The following CRISPLD2 variants were observed in gnomAD, a reference collection of about 807,000 sequenced individuals.
The protein encoded by CRISPLD2 is cysteine rich secretory protein LCCL domain containing 2.
CRISPLD2 carries 47 observed loss-of-function variants against 71.1 expected under a neutral mutation model. The ratio of observed to expected loss-of-function variants is 0.66; its 90% CI spans 0.52 to 0.84. The LOEUF (loss-of-function observed/expected upper bound fraction) is 0.84. Among genes scored for constraint, CRISPLD2 ranks in the 40% least tolerant of loss-of-function variants. The pLI, the probability that CRISPLD2 is intolerant of heterozygous loss-of-function variation, is 0.00. For synonymous variants in CRISPLD2, 317 were observed against 250.1 expected (o/e 1.27, Z -2.52); for missense variants, 830 against 651.1 (o/e 1.27, Z -2.99).
At chr16:84,834,970 G>A (rs4782662) in intron 1 of CRISPLD2, among the ~76,000 whole-genome samples, 108,639 of 151,984 alleles carry the variant, frequency 0.71, 39,155 homozygotes, top group Non-Finnish European at 0.75. Context: ...TAGGGCTCCA[G>A]TGTGTGAGTT....
intron 3 of CRISPLD2, chr16:84,849,159 C>G (rs1331739882): frequency 3.8e-6 from 2 of 530,254 alleles, no homozygotes; most frequent in South Asian, 2.2e-5. Flanking sequence ...GGTTATTCCC[C>G]CACCTCGGCC....
intron 1 of CRISPLD2, among the ~76,000 whole-genome samples, chr16:84,823,157 A>T (rs1916269372): frequency 6.6e-6 from 1 of 152,182 alleles, no homozygotes; most frequent in Non-Finnish European, 1.5e-5. Flanking sequence ...CATGTTTTCA[A>T]GGTTCATCCA....
intron 5 of CRISPLD2, 85 bp downstream of exon 5, chr16:84,850,768 C>T: frequency 3.9e-6 from 4 of 1,015,198 alleles, no homozygotes; most frequent in Non-Finnish European, 6.2e-6. Context: ...CTGGCTTGAG[C>T]AGCGAAGTCT....
chr16:84,866,929 G>C lies in CRISPLD2; in HGVS notation c.742G>C (p.Glu248Gln). Reference protein sequence around the residue: ...ETYTPKPETDEMNEVETAPIP... With the variant: ...ETYTPKPETDQMNEVETAPIP... ...CTACACTCCAAAACCTGAAACGGAC[G>C]AGATGAATGAGGTGGAAACGGCTCC... is the stretch of plus-strand genomic sequence containing the variant. Residue 248 changes from glutamate (E) to glutamine (Q), a missense_variant, in exon 7 of 15, where the codon GAG becomes CAG. Coordinates refer to ENST00000262424, the MANE Select transcript of CRISPLD2 (RefSeq NM_031476.4). 1 of 1,614,002 alleles carries C rather than the reference G, an allele frequency of 6.2e-7. No homozygotes were observed. Among genetic ancestry groups the C allele is most frequent in the Non-Finnish European group, 8.5e-7 (1 of 1,179,996 alleles).
intron 1 of CRISPLD2, among the ~76,000 whole-genome samples, chr16:84,838,018 C>T (rs1040488509): frequency 6.6e-6 from 1 of 152,280 alleles, no homozygotes; most frequent in Non-Finnish European, 1.5e-5. Context: ...CGTTGGTCCA[C>T]GGAGCATCCT....
intron 14 of CRISPLD2, among the ~76,000 whole-genome samples, chr16:84,898,875 A>C (rs1443938421): frequency 6.6e-6 from 1 of 152,148 alleles, no homozygotes; most frequent in African/African-American, 2.4e-5. Flanking sequence ...CCTGGGCAAC[A>C]TAAGTGAGAC....
chr16:84,866,290 A>G lies in CRISPLD2; in HGVS notation c.710-607A>G, dbSNP rs569634386. 1.1e-4 allele frequency among the ~76,000 whole-genome samples: 16 copies of G among 151,128 alleles called. No homozygotes were observed. The East Asian group carries it at 2.9e-3, about 28-fold the overall frequency. ...CTCTTGTCACACAGGCTGGACTGCAATGGCACAATCTCGGCTCACTGCAAC... is the reference window on the plus strand; with the variant it reads ...CTCTTGTCACACAGGCTGGACTGCAGTGGCACAATCTCGGCTCACTGCAAC... On this transcript the variant is annotated intron_variant, in intron 6 of 14. Transcript: ENST00000262424.
intron 1 of CRISPLD2, among the ~76,000 whole-genome samples, chr16:84,822,705 T>C (rs894695553): frequency 1.3e-5 from 2 of 152,186 alleles, no homozygotes; most frequent in African/African-American, 4.8e-5. Context: ...GTGGAACAGA[T>C]GCTCAGACCT....
intron 13 of CRISPLD2, among the ~76,000 whole-genome samples, chr16:84,884,590 C>A (rs1403998637): frequency 1.3e-5 from 2 of 152,022 alleles, no homozygotes; most frequent in African/African-American, 4.8e-5. Flanking sequence ...GAATTGGATG[C>A]CTTGTCCCTT....
chr16:84,870,063 A>G (rs142794331), intron 8 of CRISPLD2, among the ~76,000 whole-genome samples: 64 of 152,346 alleles, frequency 4.2e-4, no homozygotes, highest in African/African-American at 1.5e-3. Flanking sequence ...TTCTCTCTGT[A>G]GAAGCCGGCC....
At chr16:84,902,471 G>A (rs941825227) in intron 14 of CRISPLD2, among the ~76,000 whole-genome samples, 5 of 151,744 alleles carry the variant, frequency 3.3e-5, no homozygotes, top group Admixed American at 2.6e-4. Context: ...TTAGCCAGGC[G>A]TGGTGTTGGA....
intron 1 of CRISPLD2, among the ~76,000 whole-genome samples, chr16:84,821,902 A>G (rs1452748311): frequency 6.6e-6 from 1 of 152,160 alleles, no homozygotes; most frequent in Non-Finnish European, 1.5e-5. Context: ...GAGTTAGTTG[A>G]GGCTCAGAAT....
intron 1 of CRISPLD2, among the ~76,000 whole-genome samples, chr16:84,833,715 C>T (rs1032103390): frequency 1.3e-5 from 2 of 152,082 alleles, no homozygotes; most frequent in Non-Finnish European, 2.9e-5. Context: ...TGGGCAGCAC[C>T]GATGGTGGTG....
intron 12 of CRISPLD2, among the ~76,000 whole-genome samples, chr16:84,879,138 A>T (rs2071546113): frequency 6.6e-6 from 1 of 152,208 alleles, no homozygotes; most frequent in Admixed American, 6.5e-5. Context: ...CTGGGCCTCC[A>T]CTGCCTCCGC....
chr16:84,823,846 A>G lies in CRISPLD2; in HGVS notation c.-75+3713A>G, dbSNP rs73247796. On this transcript the variant is annotated intron_variant, in intron 1 of 14. Coordinates refer to ENST00000262424, the MANE Select transcript of CRISPLD2 (RefSeq NM_031476.4). ...TAAAAATTATAAATTATGAAATCCC[A>G]CATTTTCAATCCCAATTTCTGGAAC... Among the ~76,000 whole-genome samples the G allele has an allele frequency of 7.8e-3, 1,195 of 152,334 alleles. 17 individuals are homozygous for G. Among genetic ancestry groups the G allele is most frequent in the African/African-American group, 0.028 (1,154 of 41,578 alleles).
intron 1 of CRISPLD2, among the ~76,000 whole-genome samples, chr16:84,826,197 A>G (rs536830757): frequency 3.9e-5 from 6 of 152,298 alleles, no homozygotes; most frequent in African/African-American, 1.4e-4. Flanking sequence ...GGTTCTGGTT[A>G]TAGGGCCTGG....
At chr16:84,882,251 C>T (rs79446624) in intron 13 of CRISPLD2, among the ~76,000 whole-genome samples, 3,071 of 137,110 alleles carry the variant, frequency 0.022, 100 homozygotes, top group African/African-American at 0.079. Flanking sequence ...CTGAATGAGA[C>T]AAAGTAATGT....
intron 13 of CRISPLD2, 76 bp downstream of exon 13, chr16:84,880,660 A>G: frequency 2.7e-6 from 3 of 1,096,552 alleles, no homozygotes; most frequent in East Asian, 4.8e-5. Flanking sequence ...CAAGATCTGG[A>G]TACTTGAAAC....
chr16:84,856,464 G>A (rs967263097), intron 6 of CRISPLD2, among the ~76,000 whole-genome samples: 16 of 152,228 alleles, frequency 1.1e-4, no homozygotes, highest in African/African-American at 3.1e-4. Flanking sequence ...GTCTCCTGGT[G>A]GCAGCGTTCC....
Sources: allele counts gnomAD v4.1 joint callset (sites outside exome capture counted in the v4.1 genomes callset), GRCh38; gene constraint gnomAD v4.1.1; transcripts MANE v1.5; gene names NCBI Gene and HGNC (gene_info 2026-07-23, HGNC 2026-07-21).